The following SCMH1 variants were observed in gnomAD, a reference collection of about 807,000 sequenced individuals.
SCMH1 encodes the protein Scm polycomb group protein homolog 1.
A neutral mutation model predicts 70.8 loss-of-function variants in SCMH1; 37 were observed. The observed-to-expected ratio is 0.52, with a 90% CI of 0.40 to 0.69. SCMH1 has a LOEUF of 0.69. SCMH1 is among the 30% of genes least tolerant of loss of function. The pLI is 0.00. For synonymous variants in SCMH1, 292 were observed against 307.4 expected, an observed-to-expected ratio of 0.95 and a Z score of 0.52; for missense variants, 607 against 827.3, an observed-to-expected ratio of 0.73 and a Z score of 3.27.
chr1:41,133,729 T>C (rs1466247789), intron 6 of SCMH1, among the ~76,000 whole-genome samples: 4 of 152,158 alleles, frequency 2.6e-5, no homozygotes, highest in Non-Finnish European at 4.4e-5. Flanking sequence ...CTCCCAAGAC[T>C]AAATCAGGAA....
chr1:41,028,316 TCTC>T (rs1644011404), exon 15 of SCMH1: 1 of 1,584,854 alleles, frequency 6.3e-7, no homozygotes, highest in South Asian at 1.1e-5. Flanking sequence ...TTGCCATCGA[TCTC>T]CTGGGGGGTG....
chr1:41,208,299 A>G (rs1437971567), intron 1 of SCMH1, among the ~76,000 whole-genome samples: 1 of 109,856 alleles, frequency 9.1e-6, no homozygotes, highest in African/African-American at 3.5e-5. Context: ...GGGGGGAGGG[A>G]TAGCATTGGG....
At chr1:41,204,266 A>C (rs1165855151) in intron 1 of SCMH1, among the ~76,000 whole-genome samples, 1 of 152,180 alleles carries the variant, frequency 6.6e-6, no homozygotes, top group Non-Finnish European at 1.5e-5. Flanking sequence ...CAGCAAATGC[A>C]ATCTTTTTCC....
intron 2 of SCMH1, among the ~76,000 whole-genome samples, chr1:41,169,185 T>C (rs1353181586): frequency 1.3e-5 from 2 of 152,278 alleles, no homozygotes; most frequent in Admixed American, 6.5e-5. Flanking sequence ...GTCCCTTGGG[T>C]GGAAGTTATA....
chr1:41,060,340 T>C (rs1652160408), intron 10 of SCMH1, among the ~76,000 whole-genome samples: 1 of 151,700 alleles, frequency 6.6e-6, no homozygotes, highest in African/African-American at 2.4e-5. Flanking sequence ...AAGAATTATA[T>C]CTAATGTCTC....
chr1:41,128,530 C>T (rs1446847840), intron 6 of SCMH1, among the ~76,000 whole-genome samples: 1 of 152,070 alleles, frequency 6.6e-6, no homozygotes, highest in Non-Finnish European at 1.5e-5. Flanking sequence ...TGCTGTCATT[C>T]TTTGTTCTTC....
intron 5 of SCMH1, among the ~76,000 whole-genome samples, chr1:41,145,812 A>G (rs1282203653): frequency 6.6e-6 from 1 of 152,174 alleles, no homozygotes; most frequent in African/African-American, 2.4e-5. Context: ...AGAGCAACAC[A>G]TTACTCACAT....
chr1:41,164,529 T>C (rs760834892), intron 2 of SCMH1, among the ~76,000 whole-genome samples: 2 of 152,186 alleles, frequency 1.3e-5, no homozygotes, highest in Non-Finnish European at 2.9e-5. Context: ...TCTTGTTTAG[T>C]GGTGAATCCC....
At chr1:41,214,349 C>T (rs1251115180) in intron 1 of SCMH1, among the ~76,000 whole-genome samples, 1 of 152,002 alleles carries the variant, frequency 6.6e-6, no homozygotes, top group South Asian at 2.1e-4. Context: ...TAACAATATA[C>T]AATAATTATA....
At chr1:41,066,299 C>T (rs1048562995) in intron 10 of SCMH1, among the ~76,000 whole-genome samples, 1 of 152,118 alleles carries the variant, frequency 6.6e-6, no homozygotes, top group African/African-American at 2.4e-5. Flanking sequence ...GCTCTCGTTG[C>T]CAGGAATGCA....
intron 1 of SCMH1, among the ~76,000 whole-genome samples, chr1:41,193,438 A>G (rs1484903578): frequency 1.3e-5 from 2 of 152,042 alleles, no homozygotes; most frequent in Non-Finnish European, 2.9e-5. Flanking sequence ...CAAATATACA[A>G]TCATCGTGTG....
At chr1:41,133,777 T>G (rs540007859) in intron 6 of SCMH1, among the ~76,000 whole-genome samples, 6 of 152,244 alleles carry the variant, frequency 3.9e-5, no homozygotes, top group African/African-American at 1.2e-4. Flanking sequence ...GTTCTGAAAT[T>G]GAGGCAATAA....
intron 8 of SCMH1, among the ~76,000 whole-genome samples, chr1:41,096,732 T>C (rs968845692): frequency 6.6e-6 from 1 of 152,204 alleles, no homozygotes; most frequent in Admixed American, 6.5e-5. Context: ...ATGGCCATAG[T>C]GGACCAACAT....
chr1:41,151,405 T>C (rs1645063879), intron 5 of SCMH1, among the ~76,000 whole-genome samples: 1 of 152,000 alleles, frequency 6.6e-6, no homozygotes, highest in Admixed American at 6.5e-5. Context: ...GAGGCAAGGG[T>C]GTTACTTGGG....
At chr1:41,179,821 T>C (rs1648179958) in intron 2 of SCMH1, among the ~76,000 whole-genome samples, 2 of 152,206 alleles carry the variant, frequency 1.3e-5, no homozygotes, top group South Asian at 4.1e-4. Flanking sequence ...CTGAAACTAT[T>C]CCAATCAACA....
chr1:41,114,101 G>C (rs1292313439), intron 7 of SCMH1, among the ~76,000 whole-genome samples: 3 of 152,108 alleles, frequency 2.0e-5, no homozygotes, highest in Non-Finnish European at 4.4e-5. Flanking sequence ...TATTTTAAAA[G>C]AGTTTTAACC....
At position 41,105,915 on chromosome 1, in the gene SCMH1, CT is replaced by C. The variant is rs533198169; in HGVS notation, c.745+7367del. Among the ~76,000 whole-genome samples the C allele has an allele frequency of 5.1e-3, 765 of 150,686 alleles. 13 individuals are homozygous for C. Among genetic ancestry groups the C allele is most frequent in the African/African-American group, 0.018 (739 of 40,494 alleles). ...TTTGAGACAGAGTCTTGCTCTGTCA[CT>C]CAGGCTGGAGTGCAGTGGCACGATC... On this transcript the variant is annotated intron_variant, in intron 8 of 14. Coordinates refer to ENST00000337495, the Ensembl canonical transcript of SCMH1.
At chr1:41,160,882 C>T (rs770437680) in exon 4 of SCMH1, 1 of 1,550,216 alleles carries the variant, frequency 6.5e-7, no homozygotes, top group South Asian at 1.2e-5. Context: ...TACCTAGATC[C>T]AGGATGTCAG....
rs753103859 is a variant in SCMH1 at position 41,034,403 on chromosome 1, C to T, written c.1678+2959G>A. ...AGTGCAGTGGCGTGATCTCGGCTCA[C>T]TGCAAACTCGGCCTCCTGGGTTCAC... On this transcript the variant is annotated intron_variant, in intron 13 of 14. Coordinates refer to ENST00000337495, the Ensembl canonical transcript of SCMH1. 4.1e-4 allele frequency among the ~76,000 whole-genome samples: 62 copies of T among 151,906 alleles called. 2 individuals carry two copies. Among genetic ancestry groups the T allele is most frequent in the Middle Eastern group, 3.4e-3 (1 of 294 alleles).
Sources: allele counts gnomAD v4.1 joint callset (sites outside exome capture counted in the v4.1 genomes callset), GRCh38; gene constraint gnomAD v4.1.1; transcripts MANE v1.5; gene names NCBI Gene and HGNC (gene_info 2026-07-23, HGNC 2026-07-21).